Variants in KCNK2 observed in about 807,000 individuals in gnomAD.
KCNK2 encodes the protein potassium channel subfamily K member 2.
In KCNK2, 21 loss-of-function variants were observed where a neutral mutation model predicts 40.5. That is an observed-to-expected ratio of 0.52 (90% CI 0.37 to 0.75). The LOEUF (loss-of-function observed/expected upper bound fraction) is 0.75, where lower values mean the gene tolerates loss of function less well. Among genes scored for constraint, KCNK2 ranks in the 30% least tolerant of loss-of-function variants. The pLI, the probability that KCNK2 is intolerant of heterozygous loss-of-function variation, is 0.00. For synonymous variants in KCNK2, 191 were observed against 202.2 expected (o/e 0.94, Z 0.47); for missense variants, 399 against 531.6 (o/e 0.75, Z 2.45).
chr1:215,177,708 C>CTATATATATGTGTGTATATATA (rs1553270843), intron 5 of KCNK2, among the ~76,000 whole-genome samples: 6 of 121,926 alleles, frequency 4.9e-5, no homozygotes, highest in African/African-American at 1.5e-4. Flanking sequence ...CTCCACTGGC[C>CTATATATATGTGTGTATATATA]TATATATATA....
At chr1:215,038,403 A>G (rs891156140) in intron 1 of KCNK2, among the ~76,000 whole-genome samples, 1 of 152,094 alleles carries the variant, frequency 6.6e-6, no homozygotes, top group Admixed American at 6.5e-5. Context: ...GAGATAGAGA[A>G]CTGTGGTAAG....
Position 215,206,378 on chromosome 1 carries a change from A to C in KCNK2, c.963+11286A>C, listed in dbSNP as rs541982327. On this transcript the variant is annotated intron_variant, in intron 6 of 6. Transcript: ENST00000444842. ...TGACATTCAGCTGTTTTTGACCTTA[A>C]GAATCACAGTCTCACATGATTCAAT... 3.9e-5 allele frequency among the ~76,000 whole-genome samples: 6 copies of C among 152,294 alleles called. No individual in the cohort carries two copies. In the South Asian group the frequency reaches 1.2e-3, roughly 32 times the overall value.
At chr1:215,181,108 T>G (rs996515963) in intron 5 of KCNK2, among the ~76,000 whole-genome samples, 1 of 152,174 alleles carries the variant, frequency 6.6e-6, no homozygotes, top group Non-Finnish European at 1.5e-5. Flanking sequence ...TTCAAAAGAT[T>G]AGAGTTCAAG....
chr1:215,230,420 A>G (rs1185417636), intron 6 of KCNK2, among the ~76,000 whole-genome samples: 1 of 146,690 alleles, frequency 6.8e-6, no homozygotes, highest in Non-Finnish European at 1.5e-5. Flanking sequence ...GTTTTATTGG[A>G]TCACTGCTGT....
intron 1 of KCNK2, among the ~76,000 whole-genome samples, chr1:215,018,385 A>G (rs1221577448): frequency 6.6e-6 from 1 of 152,228 alleles, no homozygotes; most frequent in Non-Finnish European, 1.5e-5. Flanking sequence ...GACTAATTAT[A>G]GGGTCTTGTG....
chr1:215,200,479 G>A (rs11582180), intron 6 of KCNK2, among the ~76,000 whole-genome samples: 4,825 of 152,244 alleles, frequency 0.032, 107 homozygotes, highest in Admixed American at 0.052. Context: ...TCTTATGGGA[G>A]AAGTGCTTTC....
At chr1:215,205,238 T>C (rs1161767845) in intron 6 of KCNK2, among the ~76,000 whole-genome samples, 5 of 152,102 alleles carry the variant, frequency 3.3e-5, no homozygotes, top group Non-Finnish European at 7.4e-5. Context: ...TATGAGTGAA[T>C]GGGAAGAAGA....
Position 215,063,105 on chromosome 1 carries a change from A to G in KCNK2, c.35-23263A>G, listed in dbSNP as rs899342814. Among the ~76,000 whole-genome samples, 5 of 152,178 alleles carry G rather than the reference A, an allele frequency of 3.3e-5. No individual in the cohort carries two copies. The South Asian group carries it at 6.2e-4, about 19-fold the overall frequency. ...CCTGATGGATTTGGGTCAAGGAGTG[A>G]GAGAATGAAGAATGGGAGAGTGGTC... On this transcript the variant is annotated intron_variant, in intron 1 of 6. Coordinates refer to the KCNK2 transcript ENST00000391895.
At chr1:215,058,009 G>C (rs1354387804) in intron 1 of KCNK2, among the ~76,000 whole-genome samples, 1 of 152,142 alleles carries the variant, frequency 6.6e-6, no homozygotes, top group African/African-American at 2.4e-5. Flanking sequence ...GCAAAAGTGA[G>C]AATAATAAAG....
intron 2 of KCNK2, among the ~76,000 whole-genome samples, chr1:215,120,490 A>T (rs898446130): frequency 1.3e-5 from 2 of 152,204 alleles, no homozygotes; most frequent in Non-Finnish European, 2.9e-5. Context: ...TATACTTTTG[A>T]TGCAAGTATA....
intron 1 of KCNK2, among the ~76,000 whole-genome samples, chr1:215,017,398 T>C (rs868541237): frequency 6.6e-6 from 1 of 152,118 alleles, no homozygotes; most frequent in Non-Finnish European, 1.5e-5. Context: ...AATAGAATAC[T>C]GTTTAGCTGT....
At chr1:215,137,992 G>T (rs913345447) in intron 3 of KCNK2, among the ~76,000 whole-genome samples, 3 of 152,094 alleles carry the variant, frequency 2.0e-5, no homozygotes, top group Admixed American at 6.6e-5. Flanking sequence ...CCACAAAAGG[G>T]TTTAGAACCA....
intron 2 of KCNK2, among the ~76,000 whole-genome samples, chr1:215,104,947 T>A (rs1165338260): frequency 3.3e-5 from 5 of 152,208 alleles, no homozygotes; most frequent in Non-Finnish European, 7.4e-5. Flanking sequence ...TATCCATATC[T>A]CTAAAATATA....
exon 1 of KCNK2, chr1:215,005,895 G>A: frequency 6.2e-7 from 1 of 1,610,384 alleles, no homozygotes; most frequent in South Asian, 1.1e-5. Context: ...TCAAAAGCAT[G>A]ATGACTCCTG....
At chr1:215,115,957 T>G (rs1206342313) in intron 2 of KCNK2, among the ~76,000 whole-genome samples, 3 of 20,454 alleles carry the variant, frequency 1.5e-4, no homozygotes, top group South Asian at 1.1e-3. Flanking sequence ...TTCATCATGT[T>G]TTTTTTTTTT....
At chr1:215,134,664 T>C (rs1020208729) in intron 3 of KCNK2, among the ~76,000 whole-genome samples, 8 of 152,136 alleles carry the variant, frequency 5.3e-5, no homozygotes, top group Non-Finnish European at 1.0e-4. Flanking sequence ...GCTTGTTTTT[T>C]TTCTGGTGAC....
upstream of KCNK2, among the ~76,000 whole-genome samples, chr1:215,077,986 A>G (rs1390861132): frequency 6.6e-6 from 1 of 152,170 alleles, no homozygotes; most frequent in Non-Finnish European, 1.5e-5. Context: ...TGTGTTGCTC[A>G]GAAGATTAAA....
At chr1:215,216,110 A>G (rs1665946421) in intron 6 of KCNK2, among the ~76,000 whole-genome samples, 1 of 152,174 alleles carries the variant, frequency 6.6e-6, no homozygotes, top group South Asian at 2.1e-4. Flanking sequence ...CTTAATGTGC[A>G]TGAATACTCT....
At chr1:215,106,240 T>A (rs1310546365) in intron 2 of KCNK2, among the ~76,000 whole-genome samples, 1 of 152,110 alleles carries the variant, frequency 6.6e-6, no homozygotes, top group Non-Finnish European at 1.5e-5. Context: ...TCTACAGTCC[T>A]GCCAACACCT....
Sources: allele counts gnomAD v4.1 joint callset (sites outside exome capture counted in the v4.1 genomes callset), GRCh38; gene constraint gnomAD v4.1.1; transcripts MANE v1.5; gene names NCBI Gene and HGNC (gene_info 2026-07-23, HGNC 2026-07-21).